The following TTC3 variants were observed in gnomAD, a reference collection of about 807,000 sequenced individuals.
TTC3 encodes tetratricopeptide repeat domain 3, also known as E3 ubiquitin-protein ligase TTC3.
Under a neutral mutation model 249.6 loss-of-function variants are expected in TTC3, and 180 were observed. That is an observed-to-expected ratio of 0.72 (90% CI 0.64 to 0.82). TTC3 has a LOEUF of 0.82. Ranked by LOEUF, TTC3 falls within the 40% of genes least tolerant of loss-of-function variation. The pLI, the probability that TTC3 is intolerant of heterozygous loss-of-function variation, is 0.00. For synonymous variants in TTC3, 717 were observed against 805.0 expected (o/e 0.89, Z 1.85); for missense variants, 2,061 against 2,398.4 (o/e 0.86, Z 2.94).
chr21:37,184,212 T>G (rs1049148505), intron 36 of TTC3, among the ~76,000 whole-genome samples: 5 of 152,218 alleles, frequency 3.3e-5, no homozygotes, highest in Non-Finnish European at 7.3e-5. Context: ...GTCATTTTGT[T>G]ACTAAAAAGT....
At chr21:37,076,919 T>C (rs549379534) in intron 1 of TTC3, among the ~76,000 whole-genome samples, 1 of 152,092 alleles carries the variant, frequency 6.6e-6, no homozygotes, top group East Asian at 1.9e-4. Flanking sequence ...TAGGCACGTC[T>C]TGAACTCCTG....
Position 37,156,794 on chromosome 21 carries a change from C to A in TTC3, c.2880C>A (p.Phe960Leu). 6.2e-7 allele frequency: 1 copy of A among 1,614,092 alleles called. No homozygotes were observed. Among genetic ancestry groups the A allele is most frequent in the Non-Finnish European group, 8.5e-7 (1 of 1,179,998 alleles). ...TAGAAGGAAAGCAACTTGATTATTT[C>A]TCTGAGCCAGCATCATTGAAGGAAG... The change falls in exon 28 of 46, where the codon TTC (phenylalanine) becomes TTA (leucine). Residue 960 changes from phenylalanine (F) to leucine (L), a missense_variant. By Grantham distance (22) the Phe-to-Leu change is conservative (BLOSUM62 0). Around this residue, in one of 3 missense-constraint regions of TTC3, gnomAD observed 989 missense variants for 1,145.1 expected, o/e 0.86. Transcript: ENST00000355666.
At chr21:37,112,651 A>G (rs940267611) in intron 11 of TTC3, among the ~76,000 whole-genome samples, 2 of 152,210 alleles carry the variant, frequency 1.3e-5, no homozygotes, top group African/African-American at 4.8e-5. Flanking sequence ...AAACTATTCC[A>G]ATCAATAGAA....
intron 27 of TTC3, 101 bp from the exon 28 acceptor site, chr21:37,156,554 A>C (rs147582059): frequency 0.011 from 16,261 of 1,446,454 alleles, 143 homozygotes; most frequent in East Asian, 0.022. Context: ...TGAGAATATA[A>C]GCAAACTATA....
At chr21:37,172,439 A>G (rs949322583) in intron 34 of TTC3, among the ~76,000 whole-genome samples, 156 bp from the exon 35 acceptor site, 1 of 152,226 alleles carries the variant, frequency 6.6e-6, no homozygotes, top group African/African-American at 2.4e-5. Context: ...AGCAGTGTTT[A>G]GGGGTTTTTA....
At chr21:37,087,113 A>T in intron 1 of TTC3, 134 bp from the exon 2 acceptor site, 3 of 909,968 alleles carry the variant, frequency 3.3e-6, no homozygotes, top group Non-Finnish European at 5.0e-6. Flanking sequence ...TTCGGAGCTC[A>T]GTGTTCTGAT....
intron 36 of TTC3, among the ~76,000 whole-genome samples, chr21:37,185,362 ATCT>A (rs1202040968): frequency 6.6e-6 from 1 of 152,226 alleles, no homozygotes; most frequent in Non-Finnish European, 1.5e-5. Context: ...GAGAATCCAC[ATCT>A]TCTCATTTTG....
At chr21:37,083,330 G>A (rs988247104) in intron 1 of TTC3, 2 of 985,278 alleles carry the variant, frequency 2.0e-6, no homozygotes, top group African/African-American at 3.5e-5. Context: ...TAGGGAAGTT[G>A]GACTTTATTC....
intron 10 of TTC3, among the ~76,000 whole-genome samples, chr21:37,102,057 ACT>A (rs1328992105): frequency 2.0e-5 from 3 of 151,876 alleles, no homozygotes; most frequent in Non-Finnish European, 2.9e-5. Context: ...TATGTTTTAC[ACT>A]CAGGTTCAAA....
chr21:37,167,483 T>C, intron 33 of TTC3, 72 bp from the exon 34 acceptor site: 1 of 1,177,252 alleles, frequency 8.5e-7, no homozygotes. Flanking sequence ...TTTTAAAGTG[T>C]TACTACTTGA....
chr21:37,083,800 A>C (rs1568853704), intron 1 of TTC3: 1 of 152,230 alleles, frequency 6.6e-6, no homozygotes, highest in Non-Finnish European at 1.5e-5. Flanking sequence ...AGGGTCTAGA[A>C]GTCAAGAGAT....
intron 21 of TTC3, among the ~76,000 whole-genome samples, chr21:37,147,252 C>G (rs2079058075): frequency 6.6e-6 from 1 of 152,014 alleles, no homozygotes; most frequent in Non-Finnish European, 1.5e-5. Context: ...TTTCGAAATT[C>G]TGAAAAAAAA....
chr21:37,162,940 C>G (rs1421124483), intron 31 of TTC3, among the ~76,000 whole-genome samples: 2 of 152,068 alleles, frequency 1.3e-5, no homozygotes, highest in African/African-American at 4.8e-5. Context: ...TCTGGGGCCT[C>G]TTTTATAAGG....
At chr21:37,077,401 G>A (rs541465472) in intron 1 of TTC3, among the ~76,000 whole-genome samples, 3 of 152,126 alleles carry the variant, frequency 2.0e-5, no homozygotes, top group African/African-American at 4.8e-5. Context: ...AAATACTGCC[G>A]TATCACTATA....
exon 43 of TTC3, chr21:37,197,652 C>G (rs2085062766): frequency 1.2e-6 from 2 of 1,610,652 alleles, no homozygotes; most frequent in Non-Finnish European, 1.7e-6. Flanking sequence ...TGAAATTGTC[C>G]AAAGAGTGAC....
At chr21:37,092,380 A>G (rs1013501407) in intron 7 of TTC3, among the ~76,000 whole-genome samples, 1 of 152,196 alleles carries the variant, frequency 6.6e-6, no homozygotes, top group African/African-American at 2.4e-5. Context: ...TGTTCTCTTC[A>G]TTGTTTTGGA....
intron 7 of TTC3, chr21:37,093,401 A>T (rs1183125542): frequency 6.7e-6 from 1 of 149,380 alleles, no homozygotes; most frequent in African/African-American, 2.5e-5. Flanking sequence ...AAAAAAAAAA[A>T]AGGAAATGCT....
intron 8 of TTC3, among the ~76,000 whole-genome samples, chr21:37,094,682 A>G (rs1051255179): frequency 4.0e-5 from 6 of 149,120 alleles, no homozygotes; most frequent in Admixed American, 1.3e-4. Flanking sequence ...TCTACTTTGC[A>G]TCTATTTTTT....
intron 1 of TTC3, among the ~76,000 whole-genome samples, chr21:37,080,964 T>TA (rs34425558): frequency 0.014 from 2,174 of 152,220 alleles, 124 homozygotes; most frequent in Admixed American, 0.11. Flanking sequence ...AAAAAAAATC[T>TA]AAAAGTATTT....
Sources: gnomAD v4.1 joint callset for allele counts (sites outside exome capture counted in the v4.1 genomes callset) on GRCh38, gnomAD v4.1.1 for gene constraint, gnomAD v4.1.1 regional missense constraint, MANE v1.5 for transcripts, NCBI Gene and HGNC (gene_info 2026-07-23, HGNC 2026-07-21) for gene names.